CEP162: variants seen among roughly 807,000 people sequenced by gnomAD.
CEP162 encodes centrosomal protein of 162 kDa.
A neutral mutation model predicts 169.2 loss-of-function variants in CEP162; 141 were observed. That is an observed-to-expected ratio of 0.83 (90% confidence interval 0.73 to 0.96). CEP162 has a LOEUF of 0.96. Among genes scored for constraint, CEP162 ranks in the 40% least tolerant of loss-of-function variants. The pLI is 0.00. For synonymous variants in CEP162, 540 were observed against 526.4 expected (o/e 1.03, Z -0.35); for missense variants, 1,600 against 1,587.2 (o/e 1.01, Z -0.14).
intron 15 of CEP162, 31 bp downstream of exon 15, chr6:84,174,696 T>A: frequency 3.9e-6 from 4 of 1,025,336 alleles, no homozygotes; most frequent in Non-Finnish European, 2.8e-6. Flanking sequence ...TTAATAAATA[T>A]AAAAAAATAC....
At chr6:84,203,316 C>A (rs1001672344) in intron 7 of CEP162, among the ~76,000 whole-genome samples, 2 of 152,210 alleles carry the variant, frequency 1.3e-5, no homozygotes, top group South Asian at 4.1e-4. Context: ...ATTTACTATA[C>A]TTCATAAAGG....
chr6:84,157,632 G>A (rs897152700), intron 21 of CEP162, among the ~76,000 whole-genome samples: 6 of 152,002 alleles, frequency 3.9e-5, no homozygotes, highest in Non-Finnish European at 1.5e-5. Flanking sequence ...CCAGGATCGC[G>A]CTCCAGCCTG....
At chr6:84,205,111 C>T (rs1222803110) in intron 6 of CEP162, among the ~76,000 whole-genome samples, 1 of 152,144 alleles carries the variant, frequency 6.6e-6, no homozygotes, top group Non-Finnish European at 1.5e-5. Flanking sequence ...AAGTCCAGGA[C>T]CAGACGGATT....
At chr6:84,204,137 T>TA (rs754653896) in intron 6 of CEP162, 41 bp from the exon 7 acceptor site, 3 of 1,240,434 alleles carry the variant, frequency 2.4e-6, no homozygotes, top group Admixed American at 2.1e-5. Context: ...ACCACATTGT[T>TA]AAAAAAGTCA....
intron 11 of CEP162, among the ~76,000 whole-genome samples, chr6:84,188,911 T>G (rs1157422739): frequency 1.3e-5 from 2 of 152,210 alleles, no homozygotes; most frequent in African/African-American, 4.8e-5. Context: ...TTTTACTTTT[T>G]AATAATAGCT....
intron 25 of CEP162, among the ~76,000 whole-genome samples, chr6:84,130,029 C>T (rs1349810119): frequency 2.0e-5 from 3 of 152,138 alleles, no homozygotes; most frequent in African/African-American, 7.2e-5. Flanking sequence ...TTTTGTGATA[C>T]GTTCCATCAA....
chr6:84,134,510 G>A (rs1415358244), intron 25 of CEP162, among the ~76,000 whole-genome samples: 4 of 152,174 alleles, frequency 2.6e-5, no homozygotes, highest in East Asian at 1.9e-4. Flanking sequence ...TGTGTGCATT[G>A]CGAAGACCTT....
intron 6 of CEP162, among the ~76,000 whole-genome samples, 192 bp downstream of exon 6, chr6:84,212,764 TG>T (rs1407769433): frequency 6.6e-6 from 1 of 152,154 alleles, no homozygotes; most frequent in Non-Finnish European, 1.5e-5. Flanking sequence ...ATGCAGTCTA[TG>T]AAAAAAACCT....
At chr6:84,171,779 A>G (rs2099530243) in intron 16 of CEP162, 61 bp from the exon 17 acceptor site, 3 of 625,388 alleles carry the variant, frequency 4.8e-6, no homozygotes, top group Non-Finnish European at 7.7e-6. Context: ...ATAACATAAT[A>G]TATGTGCTCA....
intron 13 of CEP162, among the ~76,000 whole-genome samples, chr6:84,181,382 G>A (rs989612462): frequency 2.6e-5 from 4 of 152,024 alleles, no homozygotes; most frequent in Non-Finnish European, 5.9e-5. Flanking sequence ...AACGTCAGAC[G>A]TAAAACCATA....
At position 84,171,687 on chromosome 6, in the gene CEP162, T is replaced by G; in HGVS notation, c.2198A>C (p.Asp733Ala). Residue 733 changes from aspartate (D) to alanine (A), a missense_variant, in exon 17 of 27, where the codon GAT (aspartate) becomes GCT (alanine). Transcript: ENST00000403245. ...ENERLYNQVK[D>A]LQEQNKKNEE... ...ATTTTTCTTGTTTTGTTCTTGGAGA[T>G]CTTTTACTTGATTATATAATCGTTC... 6.5e-7 allele frequency: 1 copy of G among 1,526,948 alleles called. No homozygotes were observed. Among genetic ancestry groups the G allele is most frequent in the Non-Finnish European group, 8.8e-7 (1 of 1,136,202 alleles). The allele number at this position is 1,526,948 out of a possible 1,614,324, so 94.6% of individuals were successfully genotyped here. A position where few individuals can be genotyped will look rare whatever the true frequency, so the allele number is the denominator to read the frequency against.
intron 24 of CEP162, among the ~76,000 whole-genome samples, chr6:84,148,735 A>G (rs532309680): frequency 6.6e-6 from 1 of 152,124 alleles, no homozygotes; most frequent in Non-Finnish European, 1.5e-5. Context: ...TTTCTCCCTG[A>G]CCTTCTTTCT....
At chr6:84,226,964 T>C (rs986845431) in intron 1 of CEP162, among the ~76,000 whole-genome samples, 11 of 152,218 alleles carry the variant, frequency 7.2e-5, no homozygotes, top group African/African-American at 2.4e-4. Flanking sequence ...TTTCAAAATA[T>C]ACACAAATAG....
At chr6:84,221,012 C>G (rs1009865382) in intron 3 of CEP162, 45 bp downstream of exon 3, 2 of 971,350 alleles carry the variant, frequency 2.1e-6, no homozygotes, top group Non-Finnish European at 3.3e-6. Flanking sequence ...CTTGACTGAC[C>G]CCTTGTGGTC....
chr6:84,186,546 G>T lies in CEP162; in HGVS notation c.1187C>A (p.Ser396Tyr). 2 of 1,612,724 alleles carry T rather than the reference G, an allele frequency of 1.2e-6. No homozygotes were observed. The highest frequency in any genetic ancestry group is 2.2e-5 in the South Asian group (2 of 90,956). The change falls in exon 12 of 27, where the codon TCT becomes TAT. Residue 396 changes from serine (S) to tyrosine (Y), a missense_variant. Physicochemically the swap from Ser to Tyr is moderately radical, Grantham distance 144. Coordinates refer to ENST00000403245, the MANE Select transcript of CEP162 (RefSeq NM_014895.4). ...AAGGTTCACATGTTGTGAGTCTTGA[G>T]ACAAAATATTTGGGTTCATCTTCAG... ...LPLKMNPNIL[S>Y]QDSQHVNLFF...
At chr6:84,154,763 T>C (rs2099522504) in intron 22 of CEP162, among the ~76,000 whole-genome samples, 1 of 152,190 alleles carries the variant, frequency 6.6e-6, no homozygotes, top group Non-Finnish European at 1.5e-5. Flanking sequence ...AAATTTTTTT[T>C]AAAGTAAATT....
At chr6:84,191,999 CT>C (rs1194710158) in intron 11 of CEP162, among the ~76,000 whole-genome samples, 1 of 152,162 alleles carries the variant, frequency 6.6e-6, no homozygotes, top group Non-Finnish European at 1.5e-5. Context: ...TCCTTACTGA[CT>C]GGTTGGATGA....
Position 84,223,226 on chromosome 6 carries a change from C to T in CEP162, c.58-2055G>A, listed in dbSNP as rs527945788. Among the ~76,000 whole-genome samples the T allele has an allele frequency of 7.2e-5, 11 of 152,206 alleles. No homozygotes were observed. The South Asian group carries it at 1.7e-3, about 23-fold the overall frequency. ...TAAAAATAAAACAAAACAGGCCGGGCGTGGTGGCTCACACCTGTAATCCCA... is the reference window on the plus strand; with the variant it reads ...TAAAAATAAAACAAAACAGGCCGGGTGTGGTGGCTCACACCTGTAATCCCA... On this transcript the variant is annotated intron_variant, in intron 2 of 26. Transcript: ENST00000403245.
intron 18 of CEP162, among the ~76,000 whole-genome samples, chr6:84,164,665 G>A (rs1381159440): frequency 6.6e-6 from 1 of 152,094 alleles, no homozygotes; most frequent in Non-Finnish European, 1.5e-5. Context: ...ATGGACACAG[G>A]GAGGGGAACA....
Sources: allele counts gnomAD v4.1 joint callset (sites outside exome capture counted in the v4.1 genomes callset), GRCh38; gene constraint gnomAD v4.1.1; transcripts MANE v1.5; gene names NCBI Gene and HGNC (gene_info 2026-07-23, HGNC 2026-07-21).